Variants in SRPK2 observed in about 807,000 individuals in gnomAD.
SRPK2 encodes SRSF protein kinase 2.
A neutral mutation model predicts 90.8 loss-of-function variants in SRPK2; 21 were observed. The observed-to-expected ratio is 0.23, with a 90% CI of 0.16 to 0.33. SRPK2 has a LOEUF of 0.33. Ranked by LOEUF, SRPK2 falls within the 10% of genes least tolerant of loss-of-function variation. SRPK2 has a pLI of 1.00. For missense variants in SRPK2, 620 were observed against 869.0 expected, an observed-to-expected ratio of 0.71 and a Z score of 3.60; for synonymous variants, 288 against 311.1, an observed-to-expected ratio of 0.93 and a Z score of 0.78.
chr7:105,115,642 T>G (rs1015031229), downstream of SRPK2: 3 of 152,214 alleles, frequency 2.0e-5, no homozygotes, highest in African/African-American at 7.2e-5. Context: ...AAAGCCATAT[T>G]ATGCCTAATA....
At chr7:105,313,417 C>G (rs1326245239) in intron 2 of SRPK2, among the ~76,000 whole-genome samples, 1 of 141,772 alleles carries the variant, frequency 7.1e-6, no homozygotes, top group Non-Finnish European at 1.5e-5. Context: ...ACTGCACTCC[C>G]GCCTGGGCAA....
intron 2 of SRPK2, among the ~76,000 whole-genome samples, chr7:105,263,780 A>T (rs1046155632): frequency 9.2e-5 from 14 of 152,170 alleles, no homozygotes; most frequent in African/African-American, 2.9e-4. Flanking sequence ...CTGAAAAAAA[A>T]TTTCAATAAA....
chr7:105,143,696 T>C, intron 9 of SRPK2: 1 of 213,524 alleles, frequency 4.7e-6, no homozygotes, highest in Non-Finnish European at 9.4e-6. Flanking sequence ...AGTAACAACA[T>C]CCCAGCTCCT....
intron 2 of SRPK2, among the ~76,000 whole-genome samples, chr7:105,348,425 CTTTT>C (rs1198801071): frequency 4.3e-5 from 5 of 117,578 alleles, no homozygotes; most frequent in South Asian, 2.7e-4. Context: ...TTTTTTCTTT[CTTTT>C]TTTTTTTTTT....
At chr7:105,209,171 C>T (rs1796561811) in intron 2 of SRPK2, among the ~76,000 whole-genome samples, 1 of 152,152 alleles carries the variant, frequency 6.6e-6, no homozygotes, top group Non-Finnish European at 1.5e-5. Flanking sequence ...AAAAAGGAGA[C>T]TGAAATTTTA....
At chr7:105,171,441 T>C (rs548206882) in intron 3 of SRPK2, among the ~76,000 whole-genome samples, 1 of 152,254 alleles carries the variant, frequency 6.6e-6, no homozygotes, top group Non-Finnish European at 1.5e-5. Flanking sequence ...CTTTTAACAT[T>C]TGCTTTTTTA....
At chr7:105,198,209 C>T (rs1795148812) in intron 3 of SRPK2, among the ~76,000 whole-genome samples, 2 of 152,148 alleles carry the variant, frequency 1.3e-5, no homozygotes, top group Non-Finnish European at 2.9e-5. Context: ...TTCCTAAGTC[C>T]CACTCTCAAG....
intron 2 of SRPK2, among the ~76,000 whole-genome samples, chr7:105,333,850 CAT>C (rs1265114342): frequency 6.6e-6 from 1 of 152,142 alleles, no homozygotes; most frequent in Non-Finnish European, 1.5e-5. Flanking sequence ...ACCATTATAA[CAT>C]ATAAATATAC....
At chr7:105,131,908 A>C (rs1802060164) in intron 13 of SRPK2, among the ~76,000 whole-genome samples, 1 of 152,184 alleles carries the variant, frequency 6.6e-6, no homozygotes, top group Non-Finnish European at 1.5e-5. Context: ...CGCCTAAGTA[A>C]ATACCACTGA....
At chr7:105,319,877 T>C (rs12536696) in intron 2 of SRPK2, among the ~76,000 whole-genome samples, 2 of 150,520 alleles carry the variant, frequency 1.3e-5, no homozygotes, top group South Asian at 4.2e-4. Flanking sequence ...TTTTTTTTTG[T>C]CTATAAATCT....
intron 2 of SRPK2, among the ~76,000 whole-genome samples, chr7:105,212,157 T>C (rs182078226): frequency 2.7e-4 from 41 of 152,362 alleles, no homozygotes; most frequent in African/African-American, 9.9e-4. Flanking sequence ...TAATATTTTA[T>C]AAAACACTTG....
At chr7:105,223,581 A>G (rs956495432) in intron 2 of SRPK2, among the ~76,000 whole-genome samples, 1 of 152,210 alleles carries the variant, frequency 6.6e-6, no homozygotes, top group African/African-American at 2.4e-5. Context: ...TGTCCCCCAC[A>G]GATCTCAACT....
chr7:105,201,295 G>T (rs762901803), intron 3 of SRPK2, among the ~76,000 whole-genome samples: 4 of 152,066 alleles, frequency 2.6e-5, no homozygotes, highest in Non-Finnish European at 4.4e-5. Context: ...ACCAAATTTG[G>T]GGGGGGCTGG....
chr7:105,358,969 G>A (rs1361399210), intron 2 of SRPK2, among the ~76,000 whole-genome samples: 1 of 151,602 alleles, frequency 6.6e-6, no homozygotes, highest in Non-Finnish European at 1.5e-5. Context: ...GGAGGTGGAG[G>A]TGCCTCTTTT....
At chr7:105,334,834 CAA>C (rs1326446354) in intron 2 of SRPK2, among the ~76,000 whole-genome samples, 2 of 73,098 alleles carry the variant, frequency 2.7e-5, no homozygotes, top group Non-Finnish European at 2.9e-5. Context: ...GGATACAGAC[CAA>C]AAAAAAAAAA....
chr7:105,169,392 G>C (rs1790513186), intron 3 of SRPK2, 127 bp from the exon 4 acceptor site: 1 of 667,042 alleles, frequency 1.5e-6, no homozygotes, highest in Non-Finnish European at 2.5e-6. Flanking sequence ...ACTAAAACAT[G>C]TTTAATAATA....
At chr7:105,140,412 C>T (rs1426186024) in intron 11 of SRPK2, among the ~76,000 whole-genome samples, 2 of 151,886 alleles carry the variant, frequency 1.3e-5, no homozygotes, top group Non-Finnish European at 2.9e-5. Flanking sequence ...ACCAGCCTGG[C>T]CAACATGGTG....
Position 105,145,237 on chromosome 7 carries a change from T to G in SRPK2, c.813+46A>C, listed in dbSNP as rs1804417091. 5.5e-6 allele frequency: 8 copies of G among 1,447,130 alleles called. No individual in the cohort carries two copies. The East Asian group carries it at 2.0e-4, about 36-fold the overall frequency. 89.6% of individuals were successfully genotyped at this position (1,447,130 alleles called of 1,614,324 possible). ...ATTTGAACAACTCAATAATAAACGGTCTCTTTTAACATGGTGCATATAAAG... is the reference window on the plus strand; with the variant it reads ...ATTTGAACAACTCAATAATAAACGGGCTCTTTTAACATGGTGCATATAAAG... On this transcript the variant is annotated intron_variant, in intron 9 of 15. Coordinates refer to ENST00000393651, the MANE Select transcript of SRPK2 (RefSeq NM_182692.3).
chr7:105,289,424 TCA>T (rs2130983750), intron 2 of SRPK2, among the ~76,000 whole-genome samples: 1 of 152,220 alleles, frequency 6.6e-6, no homozygotes. Flanking sequence ...ATAAAGAAAG[TCA>T]CACAAATTTT....
Sources: allele counts gnomAD v4.1 joint callset (sites outside exome capture counted in the v4.1 genomes callset), GRCh38; gene constraint gnomAD v4.1.1; transcripts MANE v1.5; gene names NCBI Gene and HGNC (gene_info 2026-07-23, HGNC 2026-07-21).